Variants in CCDC40 observed in about 807,000 individuals in gnomAD.
CCDC40 encodes the protein coiled-coil domain 40 molecular ruler complex subunit.
CCDC40 carries 104 observed loss-of-function variants against 124.5 expected under a neutral mutation model. That is an observed-to-expected ratio of 0.84 (90% CI 0.71 to 0.98). CCDC40 has a LOEUF of 0.98. Ranked by LOEUF, CCDC40 falls within the 50% of genes least tolerant of loss-of-function variation. CCDC40 has a pLI of 0.00. For missense variants in CCDC40, 1,463 were observed against 1,503.9 expected, an observed-to-expected ratio of 0.97 and a Z score of 0.45; for synonymous variants, 580 against 602.9, an observed-to-expected ratio of 0.96 and a Z score of 0.56.
intron 7 of CCDC40, among the ~76,000 whole-genome samples, chr17:80,053,022 C>A (rs1448151778): frequency 6.6e-6 from 1 of 152,144 alleles, no homozygotes; most frequent in Admixed American, 6.6e-5. Flanking sequence ...TAGAGCAAAA[C>A]CCCAAATGAT....
intron 19 of CCDC40, 141 bp downstream of exon 19, chr17:80,097,544 C>A (rs2038833065): frequency 2.7e-6 from 2 of 741,754 alleles, no homozygotes; most frequent in Admixed American, 5.1e-5. Flanking sequence ...AGTAATAGCA[C>A]CACCGGCTGC....
intron 17 of CCDC40, chr17:80,090,642 C>T (rs1334658375): frequency 2.1e-6 from 3 of 1,445,302 alleles, no homozygotes; most frequent in East Asian, 2.5e-5. Context: ...TCAGAGAGCA[C>T]CCCCATCTCA....
At position 80,039,998 on chromosome 17, in the gene CCDC40, G is replaced by C. The variant is rs768516902; in HGVS notation, c.280G>C (p.Glu94Gln). Residue 94 changes from glutamate to glutamine, a missense_variant, in exon 3 of 20, where the codon GAA becomes CAA. Transcript: ENST00000397545. ...VSYGDAESEE[E>Q]YYYTETSSPE... is the part of the protein sequence containing the mutation. ...CTATGGAGATGCTGAAAGCGAAGAG[G>C]AATATTACTATACAGAAACTTCATC... is the stretch of plus-strand genomic sequence containing the variant. The C allele has an allele frequency of 4.3e-6, 7 of 1,614,174 alleles. No homozygotes were observed. The highest frequency in any genetic ancestry group is 5.1e-6 in the Non-Finnish European group (6 of 1,180,030).
rs1023157194 is a variant in CCDC40 at position 80,066,150 on chromosome 17, G to A, written c.1562+544G>A. ...CAGGGTGACCAGGTCTCGGGACGCG[G>A]AAAGAAAAAGCCGGGCACTGTGGTG... On this transcript the variant is annotated intron_variant, in intron 10 of 19. Transcript: ENST00000397545. The surrounding 1 kb of genome is among the most constrained non-coding windows in gnomAD (Gnocchi z 4.4). 3 of 702,980 alleles carry A rather than the reference G, an allele frequency of 4.3e-6. No individual in the cohort carries two copies. 43.5% of individuals were successfully genotyped at this position (702,980 alleles called of 1,614,324 possible). A position where few individuals can be genotyped will look rare whatever the true frequency, so the allele number is the denominator to read the frequency against.
At position 80,039,824 on chromosome 17, in the gene CCDC40, GAGA is replaced by G. The variant is rs746491155; in HGVS notation, c.109_111del (p.Lys37del). The G allele has an allele frequency of 6.8e-6, 11 of 1,613,720 alleles. No homozygotes were observed. The highest frequency in any genetic ancestry group is 9.3e-6 in the Non-Finnish European group (11 of 1,179,872). On this transcript the variant is annotated inframe_deletion, in exon 3 of 20. Transcript: ENST00000397545. The stretch of plus-strand genomic sequence containing the variant: ...CACACCTTTACAGGTGTCACCACCA[GAGA>G]AGGATGATGGCCAGAAAGGTGAAGA...
At chr17:80,063,283 G>T (rs970819622) in intron 9 of CCDC40, among the ~76,000 whole-genome samples, 1 of 152,058 alleles carries the variant, frequency 6.6e-6, no homozygotes, top group Non-Finnish European at 1.5e-5. Context: ...AGTTAGAAAT[G>T]GTTATCTCTA....
At chr17:80,075,581 G>A (rs1296171001) in intron 10 of CCDC40, among the ~76,000 whole-genome samples, 1 of 152,178 alleles carries the variant, frequency 6.6e-6, no homozygotes, top group Admixed American at 6.5e-5. Context: ...CCGGGTTAGT[G>A]GAACATGCAA....
Position 80,087,688 on chromosome 17 carries a change from A to G in CCDC40, c.2531A>G (p.Asn844Ser). The change falls in exon 15 of 20, where the codon AAC (asparagine) becomes AGC (serine). Residue 844 changes from asparagine (N) to serine (S), a missense_variant. Asn to Ser is a conservative substitution (Grantham distance 46). Transcript: ENST00000397545. This position sits in a 1 kb window ranked among gnomAD's most constrained non-coding sequence, Gnocchi z 4.5. ...KDLDNDLKKLNMLMNKNRCSS... is the reference protein window; with the variant it reads ...KDLDNDLKKLSMLMNKNRCSS... ...CTGGACAACGACCTGAAGAAGCTCA[A>G]CATGTTGATGAATAAAAACCGGTGC... 6.2e-7 allele frequency: 1 copy of G among 1,613,302 alleles called. No homozygotes were observed. The highest frequency in any genetic ancestry group is 8.5e-7 in the Non-Finnish European group (1 of 1,179,220).
intron 12 of CCDC40, among the ~76,000 whole-genome samples, chr17:80,082,369 G>A (rs2038473763): frequency 6.6e-6 from 1 of 150,480 alleles, no homozygotes; most frequent in Non-Finnish European, 1.5e-5. Flanking sequence ...CGCATCCCCT[G>A]GGATCTTGCT....
At chr17:80,075,500 G>A (rs1034246450) in intron 10 of CCDC40, among the ~76,000 whole-genome samples, 1 of 152,048 alleles carries the variant, frequency 6.6e-6, no homozygotes, top group Non-Finnish European at 1.5e-5. Context: ...GCAAGTCCCC[G>A]CTCATGGTCA....
chr17:80,099,975 C>T lies in CCDC40; in HGVS notation c.*200C>T, dbSNP rs1567820534. 6 of 623,786 alleles carry T rather than the reference C, an allele frequency of 9.6e-6. No homozygotes were observed. Among genetic ancestry groups the T allele is most frequent in the African/African-American group, 1.8e-5 (1 of 54,238 alleles). The allele number at this position is 623,786 out of a possible 1,614,324, so 38.6% of individuals were successfully genotyped here. A position where few individuals can be genotyped will look rare whatever the true frequency, so the allele number is the denominator to read the frequency against. ...TTTAATAAACCAGGTAAAATCCTAG[C>T]GTTTCCCATGGCATCCCATCGCAAA... is the stretch of plus-strand genomic sequence containing the variant. On this transcript the variant is annotated 3_prime_UTR_variant, in exon 20 of 20. Coordinates refer to ENST00000397545, the MANE Select transcript of CCDC40 (RefSeq NM_017950.4).
chr17:80,051,615 C>A (rs865822098), intron 7 of CCDC40, among the ~76,000 whole-genome samples: 9 of 114,722 alleles, frequency 7.8e-5, no homozygotes, highest in Non-Finnish European at 1.3e-4. Flanking sequence ...GGCGACAGAG[C>A]GAGACTCCGT....
chr17:80,045,128 C>T (rs909620405), intron 3 of CCDC40, among the ~76,000 whole-genome samples: 4 of 152,210 alleles, frequency 2.6e-5, no homozygotes, highest in Admixed American at 6.5e-5. Flanking sequence ...TGCCGTGAGA[C>T]GGTGCATGGG....
intron 17 of CCDC40, among the ~76,000 whole-genome samples, chr17:80,094,801 C>G (rs1422959888): frequency 6.6e-6 from 1 of 152,192 alleles, no homozygotes; most frequent in East Asian, 1.9e-4. Flanking sequence ...CCAGAAAGTT[C>G]CTGTGCACCC....
chr17:80,043,502 C>T (rs769580743), intron 3 of CCDC40, among the ~76,000 whole-genome samples: 2 of 71,214 alleles, frequency 2.8e-5, no homozygotes, highest in East Asian at 2.8e-4. Flanking sequence ...CACACCCCTG[C>T]GGCCGGCCTT....
At chr17:80,042,053 A>G (rs1417658185) in intron 3 of CCDC40, among the ~76,000 whole-genome samples, 1 of 152,198 alleles carries the variant, frequency 6.6e-6, no homozygotes, top group African/African-American at 2.4e-5. Flanking sequence ...CCAGTTATTG[A>G]GGACTTCTTA....
chr17:80,093,972 G>A (rs2038762159), intron 17 of CCDC40, among the ~76,000 whole-genome samples: 2 of 152,114 alleles, frequency 1.3e-5, no homozygotes, highest in Admixed American at 6.6e-5. Flanking sequence ...GTTTCTTAGT[G>A]TGGCTCCAAG....
At chr17:80,044,441 T>C (rs2037360920) in intron 3 of CCDC40, among the ~76,000 whole-genome samples, 1 of 152,142 alleles carries the variant, frequency 6.6e-6, no homozygotes, top group Non-Finnish European at 1.5e-5. Flanking sequence ...CCCAGCACTT[T>C]GGGAGGCCGA....
rs886187552 is a variant in CCDC40, at chr17:80,036,705, A to G, written c.29+14A>G. On this transcript the variant is annotated intron_variant, in intron 1 of 19. Transcript: ENST00000397545. ...CGCGGCGGGCCGGTAAGCCGGGCCG[A>G]GGGGCAGCGGGTCTTGGAGTCGCCA... The G allele has an allele frequency of 1.2e-5, 17 of 1,462,880 alleles. No individual in the cohort carries two copies. The African/African-American group carries it at 2.5e-4, about 21-fold the overall frequency. The allele number at this position is 1,462,880 out of a possible 1,614,324, so 90.6% of individuals were successfully genotyped here.
Sources: gnomAD v4.1 joint callset for allele counts (sites outside exome capture counted in the v4.1 genomes callset) on GRCh38, gnomAD v4.1.1 for gene constraint, Gnocchi (gnomAD v3.1) non-coding constraint, MANE v1.5 for transcripts, NCBI Gene and HGNC (gene_info 2026-07-23, HGNC 2026-07-21) for gene names.